The following SGCZ variants were observed in gnomAD, a reference collection of about 807,000 sequenced individuals.
The protein encoded by SGCZ is zeta-sarcoglycan.
SGCZ carries 40 observed loss-of-function variants against 41.3 expected under a neutral mutation model. The ratio of observed to expected loss-of-function variants is 0.97; its 90% CI spans 0.75 to 1.26. SGCZ has a LOEUF of 1.26. Ranked by LOEUF, SGCZ falls within the 50% of genes most tolerant of loss-of-function variation. The pLI is 0.00. For synonymous variants in SGCZ, 206 were observed against 137.5 expected, an observed-to-expected ratio of 1.50 and a Z score of -3.49; for missense variants, 552 against 369.8, an observed-to-expected ratio of 1.49 and a Z score of -4.04.
chr8:14,307,957 TA>T (rs1357532101), intron 3 of SGCZ, among the ~76,000 whole-genome samples: 1 of 152,114 alleles, frequency 6.6e-6, no homozygotes, highest in Non-Finnish European at 1.5e-5. Context: ...GTGTACCTTT[TA>T]GGGGGTGAAG....
chr8:14,161,547 T>A (rs563199357), intron 5 of SGCZ, among the ~76,000 whole-genome samples: 1 of 152,344 alleles, frequency 6.6e-6, no homozygotes, highest in South Asian at 2.1e-4. Flanking sequence ...CTATTGTACA[T>A]CTGCATCAGG....
At chr8:14,828,430 C>T (rs1167987426) in intron 1 of SGCZ, among the ~76,000 whole-genome samples, 1 of 152,188 alleles carries the variant, frequency 6.6e-6, no homozygotes, top group Non-Finnish European at 1.5e-5. Flanking sequence ...TAAAGTTAAG[C>T]AAACTCTACT....
intron 5 of SGCZ, among the ~76,000 whole-genome samples, chr8:14,137,194 T>C (rs947354608): frequency 6.6e-6 from 1 of 152,108 alleles, no homozygotes; most frequent in African/African-American, 2.4e-5. Flanking sequence ...AGACCAAAGG[T>C]AGGTAGATAA....
At chr8:14,692,205 T>G (rs1221032426) in intron 1 of SGCZ, among the ~76,000 whole-genome samples, 1 of 152,062 alleles carries the variant, frequency 6.6e-6, no homozygotes, top group Non-Finnish European at 1.5e-5. Flanking sequence ...GATTAATTTT[T>G]AAGAATTTCA....
intron 1 of SGCZ, among the ~76,000 whole-genome samples, chr8:14,790,465 A>G (rs1417209934): frequency 2.6e-5 from 4 of 152,206 alleles, no homozygotes; most frequent in South Asian, 4.1e-4. Flanking sequence ...CGCATAAAAA[A>G]TGTTTATAAT....
At chr8:14,833,075 C>T (rs964818816) in intron 1 of SGCZ, among the ~76,000 whole-genome samples, 24 of 151,834 alleles carry the variant, frequency 1.6e-4, no homozygotes, top group African/African-American at 5.6e-4. Context: ...CATAGTAGAA[C>T]CTAAAACATG....
intron 4 of SGCZ, among the ~76,000 whole-genome samples, chr8:14,184,652 A>G (rs981542278): frequency 7.9e-5 from 12 of 152,228 alleles, no homozygotes; most frequent in African/African-American, 2.2e-4. Context: ...ATGGGTCCTC[A>G]AAAGTACATT....
chr8:14,434,657 T>C (rs1800036852), intron 2 of SGCZ, among the ~76,000 whole-genome samples: 2 of 152,196 alleles, frequency 1.3e-5, no homozygotes, highest in African/African-American at 4.8e-5. Flanking sequence ...CAGTGTTTTG[T>C]AGTATTCCTT....
intron 2 of SGCZ, among the ~76,000 whole-genome samples, chr8:14,489,335 G>A (rs1483578486): frequency 2.6e-5 from 4 of 151,978 alleles, no homozygotes; most frequent in Non-Finnish European, 4.4e-5. Flanking sequence ...TTATAAAATG[G>A]ACACAGAATA....
intron 1 of SGCZ, among the ~76,000 whole-genome samples, chr8:15,078,797 G>C (rs550884856): frequency 2.0e-5 from 3 of 151,992 alleles, no homozygotes; most frequent in African/African-American, 4.8e-5. Flanking sequence ...GATTTCCTCT[G>C]AGAATTTAGG....
intron 1 of SGCZ, among the ~76,000 whole-genome samples, chr8:14,757,657 T>C (rs1380592221): frequency 6.6e-6 from 1 of 152,184 alleles, no homozygotes; most frequent in South Asian, 2.1e-4. Flanking sequence ...GAAACAACTC[T>C]TTCGGTTTCA....
At chr8:14,204,646 C>G (rs1390974017) in intron 4 of SGCZ, among the ~76,000 whole-genome samples, 2 of 152,126 alleles carry the variant, frequency 1.3e-5, no homozygotes, top group Admixed American at 1.3e-4. Context: ...AACCTCCCCT[C>G]AATATGGGTG....
rs909698864 is a variant in SGCZ, at chr8:14,763,608, G to C, written c.40-208682C>G. On this transcript the variant is annotated intron_variant, in intron 1 of 7. Coordinates refer to ENST00000382080, the MANE Select transcript of SGCZ (RefSeq NM_139167.4). Reference sequence around the variant, plus strand: ...TCGAACTCCAGTTAAACTTGGAAAAGTTTACGTAATGATCATGTAAGTCTA... The same window carrying C: ...TCGAACTCCAGTTAAACTTGGAAAACTTTACGTAATGATCATGTAAGTCTA... 2.6e-5 allele frequency among the ~76,000 whole-genome samples: 4 copies of C among 152,162 alleles called. No homozygotes were observed. The South Asian group carries it at 6.2e-4, about 24-fold the overall frequency.
intron 3 of SGCZ, among the ~76,000 whole-genome samples, chr8:14,317,406 A>T (rs1227765539): frequency 6.6e-6 from 1 of 152,000 alleles, no homozygotes; most frequent in East Asian, 1.9e-4. Context: ...GCTGTAGTGT[A>T]TGCTGAATGT....
At chr8:14,254,985 T>A (rs1380394800) in intron 3 of SGCZ, among the ~76,000 whole-genome samples, 1 of 152,174 alleles carries the variant, frequency 6.6e-6, no homozygotes, top group East Asian at 1.9e-4. Flanking sequence ...ATGCACTGCT[T>A]TTCTATTATT....
intron 3 of SGCZ, among the ~76,000 whole-genome samples, chr8:14,258,010 T>C (rs2117225155): frequency 6.6e-6 from 1 of 152,300 alleles, no homozygotes; most frequent in Non-Finnish European, 1.5e-5. Context: ...GGGAATTTGG[T>C]AGTTTGTTGA....
intron 5 of SGCZ, among the ~76,000 whole-genome samples, chr8:14,143,105 T>C (rs1216775762): frequency 2.0e-5 from 3 of 151,938 alleles, no homozygotes; most frequent in Admixed American, 1.3e-4. Flanking sequence ...TGGTGCTTAA[T>C]ATAACGCCAA....
intron 1 of SGCZ, among the ~76,000 whole-genome samples, chr8:14,761,863 GT>G (rs1408668229): frequency 6.6e-6 from 1 of 152,004 alleles, no homozygotes; most frequent in Non-Finnish European, 1.5e-5. Context: ...ATCTAGATAA[GT>G]TTTGAACTCC....
chr8:15,030,034 T>A (rs1349741084), intron 1 of SGCZ, among the ~76,000 whole-genome samples: 1 of 152,148 alleles, frequency 6.6e-6, no homozygotes, highest in East Asian at 1.9e-4. Flanking sequence ...ACAAAAAAGA[T>A]GAAAGCTGTT....
Sources: allele counts gnomAD v4.1 joint callset (sites outside exome capture counted in the v4.1 genomes callset), GRCh38; gene constraint gnomAD v4.1.1; transcripts MANE v1.5; gene names NCBI Gene and HGNC (gene_info 2026-07-23, HGNC 2026-07-21).